RNF43: variants seen among roughly 807,000 people sequenced by gnomAD.
RNF43 encodes E3 ubiquitin-protein ligase RNF43.
RNF43 carries 37 observed loss-of-function variants against 78.4 expected under a neutral mutation model. The ratio of observed to expected loss-of-function variants is 0.47; its 90% confidence interval spans 0.36 to 0.62. The LOEUF (loss-of-function observed/expected upper bound fraction) is 0.62, where lower values mean the gene tolerates loss of function less well. RNF43 is among the 20% of genes least tolerant of loss of function. The pLI, the probability that RNF43 is intolerant of heterozygous loss-of-function variation, is 0.00. For synonymous variants in RNF43, 347 were observed against 395.0 expected (o/e 0.88, Z 1.44); for missense variants, 774 against 1,007.9 (o/e 0.77, Z 3.14).
intron 5 of RNF43, 32 bp from the exon 6 acceptor site, chr17:58,362,680 A>G (rs1446483711): frequency 2.0e-6 from 3 of 1,535,898 alleles, no homozygotes; most frequent in Non-Finnish European, 2.7e-6. Flanking sequence ...AAAGGGTCAT[A>G]CTTCCGGGAT....
In RNF43 at chr17:58,357,540, C is replaced by G. The variant is rs1357305440; in HGVS notation, c.2236G>C (p.Glu746Gln). The change falls in exon 9 of 10, where the codon GAA (glutamate) becomes CAA (glutamine). Residue 746 changes from glutamate to glutamine, a missense_variant. Physicochemically the swap from Glu to Gln is conservative, Grantham distance 29 (BLOSUM62 2). Coordinates refer to ENST00000407977, the MANE Select transcript of RNF43 (RefSeq NM_017763.6). This position sits in a 1 kb window ranked among gnomAD's most constrained non-coding sequence, Gnocchi z 4.5. ...CCCTCTGCGGTGTCAGAACTCCATT[C>G]AGAAGGCCCCTCCCCAGGTGGATGT... is the stretch of plus-strand genomic sequence containing the variant. ...EPHPPGEGPS[E>Q]WSSDTAEGRP... 2 of 1,614,126 alleles carry G rather than the reference C, an allele frequency of 1.2e-6. No individual in the cohort carries two copies. The highest frequency in any genetic ancestry group is 1.7e-6 in the Non-Finnish European group (2 of 1,180,056).
intron 2 of RNF43, among the ~76,000 whole-genome samples, chr17:58,378,607 C>A (rs1973253444): frequency 6.6e-6 from 1 of 152,116 alleles, no homozygotes; most frequent in African/African-American, 2.4e-5. Flanking sequence ...ATTTTTTAAG[C>A]TACAAAAGTA....
chr17:58,392,391 C>A (rs950485478), intron 2 of RNF43, among the ~76,000 whole-genome samples: 14 of 152,268 alleles, frequency 9.2e-5, no homozygotes, highest in African/African-American at 3.4e-4. Flanking sequence ...AACTTATCAT[C>A]AAATAATGCT....
chr17:58,383,294 TTTTC>T (rs1213398739), intron 2 of RNF43, among the ~76,000 whole-genome samples: 5 of 151,942 alleles, frequency 3.3e-5, no homozygotes, highest in Admixed American at 6.6e-5. Flanking sequence ...TTTTGTTTGT[TTTTC>T]TTTGTTTTTG....
At position 58,357,066 on chromosome 17, in the gene RNF43, G is replaced by C; in HGVS notation, c.2308+402C>G. The C allele has an allele frequency of 1.6e-6, 1 of 606,988 alleles. No homozygotes were observed. Among genetic ancestry groups the C allele is most frequent in the South Asian group, 1.9e-5 (1 of 51,394 alleles). The allele number at this position is 606,988 out of a possible 1,614,324, so 37.6% of individuals were successfully genotyped here. Reference sequence around the variant, plus strand: ...CCGCCACCATACCCGGCTAATTTTTGTATTTTTAGTAGAGATAGGGTTTCA... The same window carrying C: ...CCGCCACCATACCCGGCTAATTTTTCTATTTTTAGTAGAGATAGGGTTTCA... On this transcript the variant is annotated intron_variant, in intron 9 of 9. Coordinates refer to ENST00000407977, the MANE Select transcript of RNF43 (RefSeq NM_017763.6). This position sits in a 1 kb window ranked among gnomAD's most constrained non-coding sequence, Gnocchi z 4.5.
chr17:58,364,687 G>A (rs928561192), intron 3 of RNF43, among the ~76,000 whole-genome samples: 14 of 152,220 alleles, frequency 9.2e-5, no homozygotes, highest in Non-Finnish European at 1.6e-4. Context: ...CCTGGGCACC[G>A]CCCCCCCTCA....
intron 2 of RNF43, among the ~76,000 whole-genome samples, chr17:58,388,301 C>T (rs1180543241): frequency 1.3e-5 from 2 of 152,172 alleles, no homozygotes; most frequent in African/African-American, 2.4e-5. Context: ...AAGTTGATTC[C>T]TTGCCTGCAC....
In RNF43 at chr17:58,366,327, G is replaced by A. The variant is rs1972948979; in HGVS notation, c.376-2727C>T. 3.3e-5 allele frequency among the ~76,000 whole-genome samples: 5 copies of A among 152,304 alleles called. No individual in the cohort carries two copies. In the South Asian group the frequency reaches 1.0e-3, roughly 32 times the overall value. On this transcript the variant is annotated intron_variant, in intron 3 of 9. Transcript: ENST00000407977. ...CTGCTTACTTTGAGGTAGGGGTGGGGACAGGAAGGACCTTCAGCCTCTCCC... is the reference window on the plus strand; with the variant it reads ...CTGCTTACTTTGAGGTAGGGGTGGGAACAGGAAGGACCTTCAGCCTCTCCC...
At position 58,363,583 on chromosome 17, in the gene RNF43, C is replaced by A. The variant is rs985880670; in HGVS notation, c.393G>T (p.Glu131Asp). 10 of 1,611,540 alleles carry A rather than the reference C, an allele frequency of 6.2e-6. No homozygotes were observed. The highest frequency in any genetic ancestry group is 8.5e-6 in the Non-Finnish European group (10 of 1,178,280). The change falls in exon 4 of 10, where the codon GAG (glutamate) becomes GAT (aspartate). Residue 131 changes from glutamate (E) to aspartate (D), a missense_variant. Coordinates refer to ENST00000407977, the MANE Select transcript of RNF43 (RefSeq NM_017763.6). ...CAAAGAGGACAGCACTGGCTCCTCG[C>A]TCACCCGCCATCCGAGCCTGCAGAG... ...SLASKARMAG[E>D]RGASAVLFDI...
chr17:58,394,278 T>C (rs900725385), intron 2 of RNF43, among the ~76,000 whole-genome samples: 5 of 152,174 alleles, frequency 3.3e-5, no homozygotes, highest in South Asian at 2.1e-4. Flanking sequence ...ACCCTATCCA[T>C]TGACGGTGAA....
At chr17:58,368,696 G>C (rs1012487705) in intron 3 of RNF43, among the ~76,000 whole-genome samples, 1 of 145,800 alleles carries the variant, frequency 6.9e-6, no homozygotes, top group African/African-American at 2.5e-5. Flanking sequence ...CTGGGCAACA[G>C]AGCAAGACTC....
intron 2 of RNF43, among the ~76,000 whole-genome samples, chr17:58,381,588 G>A (rs556245836): frequency 2.5e-4 from 38 of 152,316 alleles, no homozygotes; most frequent in African/African-American, 9.1e-4. Context: ...GCCATTTGGG[G>A]CTCAGAATTT....
At chr17:58,414,800 G>A (rs889597899) in intron 2 of RNF43, among the ~76,000 whole-genome samples, 1 of 152,146 alleles carries the variant, frequency 6.6e-6, no homozygotes, top group Non-Finnish European at 1.5e-5. Flanking sequence ...TCTCCATTTT[G>A]GGGTTAGCAA....
intron 3 of RNF43, 134 bp from the exon 4 acceptor site, chr17:58,363,734 A>G (rs1972892322): frequency 1.4e-6 from 1 of 711,708 alleles, no homozygotes; most frequent in Non-Finnish European, 2.3e-6. Flanking sequence ...ACTCACATCT[A>G]CCTATGCAAG....
Position 58,358,371 on chromosome 17 carries a change from C to T in RNF43, c.1405G>A (p.Gly469Arg), listed in dbSNP as rs775121749. 9 of 1,614,038 alleles carry T rather than the reference C, an allele frequency of 5.6e-6. No individual in the cohort carries two copies. In the African/African-American group the frequency reaches 1.1e-4, roughly 19 times the overall value. Reference sequence around the variant, plus strand: ...TCACTGGAAGAGCCATGACAGGGCCCTGAGCTGGAGTCACTGGCTGGCCCA... The same window carrying T: ...TCACTGGAAGAGCCATGACAGGGCCTTGAGCTGGAGTCACTGGCTGGCCCA... Reference protein sequence around the residue: ...ADGPASDSSSGPCHGSSSDSV... With the variant: ...ADGPASDSSSRPCHGSSSDSV... Residue 469 changes from glycine to arginine, a missense_variant, in exon 9 of 10, where the codon GGG becomes AGG. Coordinates refer to ENST00000407977, the MANE Select transcript of RNF43 (RefSeq NM_017763.6). The surrounding 1 kb of genome is among the most constrained non-coding windows in gnomAD (Gnocchi z 6.2).
At chr17:58,407,475 T>G (rs933759943) in intron 2 of RNF43, among the ~76,000 whole-genome samples, 1 of 152,208 alleles carries the variant, frequency 6.6e-6, no homozygotes, top group Non-Finnish European at 1.5e-5. Flanking sequence ...AAACCTTAGT[T>G]TTTAAATCAT....
intron 5 of RNF43, 133 bp from the exon 6 acceptor site, chr17:58,362,781 G>A: frequency 3.2e-6 from 2 of 620,694 alleles, no homozygotes; most frequent in Non-Finnish European, 5.5e-6. Flanking sequence ...AGGGGATGGA[G>A]AGGAACCTGC....
intron 2 of RNF43, among the ~76,000 whole-genome samples, chr17:58,397,141 A>G (rs1973699784): frequency 6.6e-6 from 1 of 152,194 alleles, no homozygotes; most frequent in African/African-American, 2.4e-5. Context: ...GGAAAAATAA[A>G]TGTATGTGTA....
intron 2 of RNF43, 29 bp downstream of exon 2, chr17:58,415,297 A>G (rs1203837550): frequency 6.2e-7 from 1 of 1,611,256 alleles, no homozygotes; most frequent in Non-Finnish European, 8.5e-7. Flanking sequence ...AAACAGATGG[A>G]AAGTGAAATA....
Sources: gnomAD v4.1 joint callset for allele counts (sites outside exome capture counted in the v4.1 genomes callset) on GRCh38, gnomAD v4.1.1 for gene constraint, Gnocchi (gnomAD v3.1) non-coding constraint, MANE v1.5 for transcripts, NCBI Gene and HGNC (gene_info 2026-07-23, HGNC 2026-07-21) for gene names.